The following MCTP1 variants were observed in gnomAD, a reference collection of about 807,000 sequenced individuals.
MCTP1 encodes the protein multiple C2 and transmembrane domain containing 1.
In MCTP1, 69 loss-of-function variants were observed where a neutral mutation model predicts 120.6. That is an observed-to-expected ratio of 0.57 (90% CI 0.47 to 0.70). The LOEUF (loss-of-function observed/expected upper bound fraction) is 0.70, where lower values mean the gene tolerates loss of function less well. MCTP1 is among the 30% of genes least tolerant of loss of function. MCTP1 has a pLI of 0.00. For missense variants in MCTP1, 1,203 were observed against 1,248.8 expected, an observed-to-expected ratio of 0.96 and a Z score of 0.55; for synonymous variants, 529 against 493.1, an observed-to-expected ratio of 1.07 and a Z score of -0.96.
At chr5:95,186,537 A>T (rs1286376054) in intron 1 of MCTP1, among the ~76,000 whole-genome samples, 1 of 152,196 alleles carries the variant, frequency 6.6e-6, no homozygotes, top group Non-Finnish European at 1.5e-5. Context: ...AAATGGAGAG[A>T]TATACCTTGT....
At chr5:94,845,935 C>A (rs1215147538) in intron 17 of MCTP1, among the ~76,000 whole-genome samples, 1 of 152,062 alleles carries the variant, frequency 6.6e-6, no homozygotes, top group Non-Finnish European at 1.5e-5. Context: ...AAATGCAAAT[C>A]AAAACCACAG....
At chr5:95,086,412 T>C (rs1755446679) in intron 1 of MCTP1, among the ~76,000 whole-genome samples, 1 of 152,198 alleles carries the variant, frequency 6.6e-6, no homozygotes, top group Non-Finnish European at 1.5e-5. Context: ...TGCTGAGGCA[T>C]TATTTAATTT....
intron 10 of MCTP1, among the ~76,000 whole-genome samples, chr5:94,906,848 T>TA (rs1405817922): frequency 1.3e-5 from 2 of 152,184 alleles, no homozygotes; most frequent in Non-Finnish European, 2.9e-5. Flanking sequence ...ACTTTAAACT[T>TA]ACTCACAAGC....
intron 1 of MCTP1, among the ~76,000 whole-genome samples, chr5:95,028,889 C>T (rs949514487): frequency 6.6e-5 from 10 of 152,250 alleles, no homozygotes; most frequent in Admixed American, 2.6e-4. Flanking sequence ...AGGCCGGGCA[C>T]GGTGGCTCAC....
At chr5:94,931,323 T>C (rs374953290) in intron 6 of MCTP1, 2 of 152,142 alleles carry the variant, frequency 1.3e-5, no homozygotes, top group Middle Eastern at 3.2e-3. Flanking sequence ...TATATTCATA[T>C]AAAAATTGTT....
chr5:94,900,686 A>G (rs957996428), intron 10 of MCTP1, among the ~76,000 whole-genome samples: 9 of 152,224 alleles, frequency 5.9e-5, no homozygotes, highest in African/African-American at 1.7e-4. Flanking sequence ...TACTTTGAAG[A>G]AAGTTATTTG....
At chr5:94,962,467 T>C (rs1286768113) in intron 2 of MCTP1, among the ~76,000 whole-genome samples, 2 of 150,166 alleles carry the variant, frequency 1.3e-5, no homozygotes, top group African/African-American at 4.9e-5. Flanking sequence ...ATTGTATTTA[T>C]ATATCATATA....
At chr5:95,204,325 A>G (rs1751389928) in intron 1 of MCTP1, among the ~76,000 whole-genome samples, 2 of 152,084 alleles carry the variant, frequency 1.3e-5, no homozygotes, top group African/African-American at 4.8e-5. Context: ...TAGGCAGAGG[A>G]AGCAAAGAAG....
chr5:95,204,219 A>G (rs556629678), intron 1 of MCTP1, among the ~76,000 whole-genome samples: 7 of 152,302 alleles, frequency 4.6e-5, no homozygotes, highest in African/African-American at 1.7e-4. Context: ...GTAGTGGAAA[A>G]GAGGAGAGGA....
At chr5:95,138,859 G>A (rs867086388) in intron 1 of MCTP1, among the ~76,000 whole-genome samples, 1 of 152,170 alleles carries the variant, frequency 6.6e-6, no homozygotes, top group East Asian at 1.9e-4. Context: ...TAGTTGTAAT[G>A]TATGTGGACA....
intron 19 of MCTP1, among the ~76,000 whole-genome samples, chr5:94,741,331 G>T (rs913796110): frequency 6.6e-6 from 1 of 152,116 alleles, no homozygotes; most frequent in Non-Finnish European, 1.5e-5. Context: ...GTATAAAAAT[G>T]GAACACTCGT....
intron 2 of MCTP1, among the ~76,000 whole-genome samples, chr5:95,014,348 C>T (rs1275269325): frequency 6.6e-6 from 1 of 152,038 alleles, no homozygotes; most frequent in Admixed American, 6.6e-5. Context: ...TTGATTTTAA[C>T]CCTTATGGAT....
At chr5:95,270,123 TGC>T (rs1409492652) in intron 1 of MCTP1, among the ~76,000 whole-genome samples, 2 of 152,146 alleles carry the variant, frequency 1.3e-5, no homozygotes, top group East Asian at 3.8e-4. Context: ...TTTAGTAGGG[TGC>T]CTGGTAAGGA....
chr5:94,890,536 G>A (rs1400621974), intron 11 of MCTP1, among the ~76,000 whole-genome samples: 2 of 152,124 alleles, frequency 1.3e-5, no homozygotes, highest in Non-Finnish European at 2.9e-5. Flanking sequence ...ATCTTTTACA[G>A]TCAATCAAAT....
At chr5:94,988,581 A>C (rs1283926848) in intron 2 of MCTP1, among the ~76,000 whole-genome samples, 1 of 149,710 alleles carries the variant, frequency 6.7e-6, no homozygotes, top group African/African-American at 2.5e-5. Flanking sequence ...TTGGCATTTA[A>C]TAATTCCCTG....
intron 2 of MCTP1, among the ~76,000 whole-genome samples, chr5:94,965,673 T>C (rs10051466): frequency 0.78 from 118,935 of 152,094 alleles, 47,113 homozygotes; most frequent in African/African-American, 0.87. Context: ...TCAAATACAT[T>C]CTTGCTATTT....
chr5:95,278,681 A>G (rs529311530), intron 1 of MCTP1, among the ~76,000 whole-genome samples: 4 of 152,266 alleles, frequency 2.6e-5, no homozygotes, highest in Admixed American at 1.3e-4. Context: ...ATTATTTTCA[A>G]GCCAGGCATG....
chr5:94,963,359 T>TTTA (rs2153561401), intron 2 of MCTP1, among the ~76,000 whole-genome samples: 1 of 151,934 alleles, frequency 6.6e-6, no homozygotes, highest in South Asian at 2.1e-4. Context: ...ATTCTATTTT[T>TTTA]TTTTTTTTTT....
At chr5:95,039,411 G>A (rs1841931882) in intron 1 of MCTP1, among the ~76,000 whole-genome samples, 1 of 152,170 alleles carries the variant, frequency 6.6e-6, no homozygotes, top group African/African-American at 2.4e-5. Flanking sequence ...GAGTGCAAGT[G>A]TGTGCGAAAA....
Sources: gnomAD v4.1 joint callset for allele counts (sites outside exome capture counted in the v4.1 genomes callset) on GRCh38, gnomAD v4.1.1 for gene constraint, MANE v1.5 for transcripts, NCBI Gene and HGNC (gene_info 2026-07-23, HGNC 2026-07-21) for gene names.